The following ANK1 variants were observed in gnomAD, a reference collection of about 807,000 sequenced individuals.
The protein encoded by ANK1 is ankyrin 1.
ANK1 carries 51 observed loss-of-function variants against 210.4 expected under a neutral mutation model. The observed-to-expected ratio is 0.24, with a 90% CI of 0.19 to 0.31. The LOEUF is 0.31. Ranked by LOEUF, ANK1 falls within the 10% of genes least tolerant of loss-of-function variation. The pLI is 1.00. For synonymous variants in ANK1, 967 were observed against 1,025.9 expected (o/e 0.94, Z 1.10); for missense variants, 2,051 against 2,504.4 (o/e 0.82, Z 3.86).
At chr8:41,686,868 T>C (rs1817817689) in intron 35 of ANK1, among the ~76,000 whole-genome samples, 1 of 152,234 alleles carries the variant, frequency 6.6e-6, no homozygotes, top group East Asian at 1.9e-4. Context: ...TTATTGTTAT[T>C]GCTTTAGAAG....
At chr8:41,713,956 T>C (rs935567399) in intron 16 of ANK1, among the ~76,000 whole-genome samples, 200 bp downstream of exon 16, 12 of 152,214 alleles carry the variant, frequency 7.9e-5, no homozygotes, top group African/African-American at 2.9e-4. Flanking sequence ...TGTTACCCAC[T>C]TCCCATCCCA....
intron 2 of ANK1, among the ~76,000 whole-genome samples, chr8:41,739,904 A>C (rs1834329415): frequency 6.6e-6 from 1 of 152,116 alleles, no homozygotes; most frequent in South Asian, 2.1e-4. Flanking sequence ...TTCTCCCAGC[A>C]GTGGCCTGCT....
At chr8:41,671,256 C>G (rs1439561375) in intron 38 of ANK1, among the ~76,000 whole-genome samples, 1 of 152,200 alleles carries the variant, frequency 6.6e-6, no homozygotes, top group Non-Finnish European at 1.5e-5. Flanking sequence ...GTTAAGCCCA[C>G]CAGCCCCTCC....
chr8:41,661,403 C>A, intron 42 of ANK1, 27 bp downstream of exon 42: 1 of 1,612,882 alleles, frequency 6.2e-7, no homozygotes, highest in Non-Finnish European at 8.5e-7. Flanking sequence ...CCAGGCCATG[C>A]AGAGGGGATG....
intron 30 of ANK1, 85 bp from the exon 31 acceptor site, chr8:41,692,961 A>T: frequency 1.3e-6 from 2 of 1,520,080 alleles, no homozygotes; most frequent in Non-Finnish European, 1.8e-6. Context: ...CGTGAGCCAT[A>T]CCATGGCTAC....
In ANK1 at chr8:41,879,390, A is replaced by T. The variant is rs558634402; in HGVS notation, c.126+16965T>A. Among the ~76,000 whole-genome samples, 12 of 152,330 alleles carry T rather than the reference A, an allele frequency of 7.9e-5. No individual in the cohort carries two copies. In the East Asian group the frequency reaches 1.3e-3, roughly 17 times the overall value. ...ATTATTCACCAAGACCTGCCAGAGC[A>T]CCTGGATTTCTCGAGAACATTGACA... is the stretch of plus-strand genomic sequence containing the variant. On this transcript the variant is annotated intron_variant, in intron 1 of 42. Transcript: ENST00000265709.
intron 1 of ANK1, among the ~76,000 whole-genome samples, chr8:41,876,549 G>A (rs1215734689): frequency 6.6e-6 from 1 of 152,236 alleles, no homozygotes; most frequent in Non-Finnish European, 1.5e-5. Context: ...GGTTCGCACA[G>A]CCAGTATGTG....
At chr8:41,841,233 A>G (rs1424801911) in intron 1 of ANK1, among the ~76,000 whole-genome samples, 1 of 152,208 alleles carries the variant, frequency 6.6e-6, no homozygotes, top group Non-Finnish European at 1.5e-5. Context: ...AAATGAGGGA[A>G]ATCCTACTGG....
At chr8:41,851,276 G>A (rs1350493128) in intron 1 of ANK1, among the ~76,000 whole-genome samples, 2 of 152,200 alleles carry the variant, frequency 1.3e-5, no homozygotes, top group Non-Finnish European at 2.9e-5. Context: ...AGCTTCACCA[G>A]GAGGCAGAAG....
In ANK1 at chr8:41,831,652, AAAAG is replaced by A. The variant is rs558649174; in HGVS notation, c.126+64699_126+64702del. Among the ~76,000 whole-genome samples, 574 of 129,242 alleles carry A rather than the reference AAAAG, an allele frequency of 4.4e-3. 4 individuals are homozygous for A. The highest frequency in any genetic ancestry group is 7.4e-3 in the Middle Eastern group (2 of 272). 84.8% of individuals were successfully genotyped at this position (129,242 alleles called of 152,430 possible). On this transcript the variant is annotated intron_variant, in intron 1 of 42. Transcript: ENST00000265709. The stretch of plus-strand genomic sequence containing the variant: ...GCAAAAGTCTGTCAAAAAAAAAAAA[AAAAG>A]AAGAAGAAAAAGAAAAAAGGAATGA...
intron 2 of ANK1, among the ~76,000 whole-genome samples, chr8:41,746,438 G>A (rs949599085): frequency 1.3e-5 from 2 of 152,224 alleles, no homozygotes; most frequent in African/African-American, 4.8e-5. Flanking sequence ...CAGATGGAAA[G>A]GGAGGCAACC....
intron 17 of ANK1, 111 bp from the exon 18 acceptor site, chr8:41,706,352 T>C: frequency 2.1e-6 from 2 of 959,906 alleles, no homozygotes; most frequent in Non-Finnish European, 3.2e-6. Flanking sequence ...ACCAACTAGT[T>C]ATTTGGCTCC....
chr8:41,783,811 C>A (rs1191048198), intron 1 of ANK1, among the ~76,000 whole-genome samples: 4 of 152,124 alleles, frequency 2.6e-5, no homozygotes, highest in Admixed American at 2.6e-4. Context: ...ACCTGTAATT[C>A]CAGCACTTTG....
At chr8:41,847,967 T>C (rs1333520109) in intron 1 of ANK1, among the ~76,000 whole-genome samples, 1 of 152,092 alleles carries the variant, frequency 6.6e-6, no homozygotes, top group African/African-American at 2.4e-5. Context: ...GGCAGATCAC[T>C]TGAGGTCAGG....
Position 41,758,067 on chromosome 8 carries a change from C to T in ANK1, c.98G>A (p.Arg33Gln), listed in dbSNP as rs747402381. ...GNLDKALDHL[R>Q]NGVDINTCNQ... ...ACAGGTGTTAATATCTACCCCATTC[C>T]GCAGGTGATCCAAAGCTTTGTCCAA... Residue 33 changes from arginine to glutamine, a missense_variant, in exon 2 of 43, where the codon CGG (arginine) becomes CAG (glutamine). Arg to Gln is a conservative substitution (Grantham distance 43). This residue lies in a region of ANK1 where 72 missense variants were observed against 133.5 expected (regional missense o/e 0.54). Transcript: ENST00000289734. 1.5e-5 allele frequency: 25 copies of T among 1,614,190 alleles called. 1 individual carries two copies. In the South Asian group the frequency reaches 2.1e-4, roughly 13 times the overall value.
At position 41,764,754 on chromosome 8, in the gene ANK1, G is replaced by A. The variant is rs183087103; in HGVS notation, c.28-6617C>T. On this transcript the variant is annotated intron_variant, in intron 1 of 42. Coordinates refer to ENST00000289734, the MANE Select transcript of ANK1 (RefSeq NM_000037.4). The stretch of plus-strand genomic sequence containing the variant: ...CTGCACACAGCAGACATTCTGCTGT[G>A]CCTGCATCCCTGCTGCCTAATCAAT... Among the ~76,000 whole-genome samples, 3 of 152,314 alleles carry A rather than the reference G, an allele frequency of 2.0e-5. No homozygotes were observed. In the East Asian group the frequency reaches 5.8e-4, roughly 29 times the overall value.
At chr8:41,759,629 G>A (rs940848002) in intron 1 of ANK1, among the ~76,000 whole-genome samples, 1 of 152,160 alleles carries the variant, frequency 6.6e-6, no homozygotes, top group African/African-American at 2.4e-5. Flanking sequence ...TATATATGAC[G>A]ATGTGGGTAG....
At chr8:41,848,405 T>C (rs1810507095) in intron 1 of ANK1, among the ~76,000 whole-genome samples, 1 of 152,066 alleles carries the variant, frequency 6.6e-6, no homozygotes, top group Non-Finnish European at 1.5e-5. Context: ...ACAGGGGAAG[T>C]GGGAAGCGTG....
At chr8:41,874,361 T>A (rs1816157480) in intron 1 of ANK1, among the ~76,000 whole-genome samples, 1 of 152,228 alleles carries the variant, frequency 6.6e-6, no homozygotes, top group African/African-American at 2.4e-5. Context: ...CATAATTGAA[T>A]TTTGAAAAGT....
Sources: gnomAD v4.1 joint callset for allele counts (sites outside exome capture counted in the v4.1 genomes callset) on GRCh38, gnomAD v4.1.1 for gene constraint, gnomAD v4.1.1 regional missense constraint, MANE v1.5 for transcripts, NCBI Gene and HGNC (gene_info 2026-07-23, HGNC 2026-07-21) for gene names.